The following GRWD1 variants were observed in gnomAD, a reference collection of about 807,000 sequenced individuals.
GRWD1 encodes glutamate-rich WD repeat-containing protein 1.
Under a neutral mutation model 45.3 loss-of-function variants are expected in GRWD1, and 29 were observed. The observed-to-expected ratio is 0.64, with a 90% CI of 0.48 to 0.87. The LOEUF (loss-of-function observed/expected upper bound fraction) is 0.87, where lower values mean the gene tolerates loss of function less well. Ranked by LOEUF, GRWD1 falls within the 40% of genes least tolerant of loss-of-function variation. The probability of loss-of-function intolerance (pLI) is 0.00; values close to 1 mark genes in which losing one functional copy is unlikely to be tolerated. For synonymous variants in GRWD1, 262 were observed against 257.6 expected, an observed-to-expected ratio of 1.02 and a Z score of -0.16; for missense variants, 592 against 618.8, an observed-to-expected ratio of 0.96 and a Z score of 0.46.
Position 48,456,903 on chromosome 19 carries a change from G to A in GRWD1, c.*3878G>A, listed in dbSNP as rs1971545323. On this transcript the variant is annotated 3_prime_UTR_variant, in exon 7 of 7. Coordinates refer to ENST00000253237, the MANE Select transcript of GRWD1 (RefSeq NM_031485.4). ...AGGGTTTTGCTGTCTTCCCCAGGCTGGTTCTCAAACCCCTGGCCTCACGCA... is the reference window on the plus strand; with the variant it reads ...AGGGTTTTGCTGTCTTCCCCAGGCTAGTTCTCAAACCCCTGGCCTCACGCA... 6.6e-6 allele frequency: 1 copy of A among 151,606 alleles called. No individual in the cohort carries two copies. Among genetic ancestry groups the A allele is most frequent in the African/African-American group, 2.4e-5 (1 of 41,272 alleles). 9.4% of individuals were successfully genotyped at this position (151,606 alleles called of 1,614,324 possible).
chr19:48,450,545 C>A lies in GRWD1; in HGVS notation c.682+19C>A. On this transcript the variant is annotated intron_variant, in intron 4 of 6. Transcript: ENST00000253237. This position sits in a 1 kb window ranked among gnomAD's most constrained non-coding sequence, Gnocchi z 5.1. The stretch of plus-strand genomic sequence containing the variant: ...GTGACCGGTGAGTCCCTGGGGTGTT[C>A]AGGAGTCCCGGGAGGTCGGGGGAGC... 6.2e-7 allele frequency: 1 copy of A among 1,613,214 alleles called. No homozygotes were observed. Among genetic ancestry groups the A allele is most frequent in the African/African-American group, 1.3e-5 (1 of 75,020 alleles).
chr19:48,448,300 C>T (rs987593904), intron 3 of GRWD1, among the ~76,000 whole-genome samples: 3 of 152,120 alleles, frequency 2.0e-5, no homozygotes, highest in African/African-American at 7.2e-5. Context: ...ATCAGGTAGA[C>T]TTGTAAGTAC....
rs1274615551 is a variant in GRWD1, at chr19:48,450,204, C to T, written c.469-109C>T. 1 of 819,922 alleles carries T rather than the reference C, an allele frequency of 1.2e-6. No individual in the cohort carries two copies. The highest frequency in any genetic ancestry group is 2.0e-6 in the Non-Finnish European group (1 of 505,414). The allele number at this position is 819,922 out of a possible 1,614,324, so 50.8% of individuals were successfully genotyped here. A position where few individuals can be genotyped will look rare whatever the true frequency, so the allele number is the denominator to read the frequency against. The stretch of plus-strand genomic sequence containing the variant: ...AGCTGTAGTCCCAGGCCTGGGAGAT[C>T]TGAGGAAGCGCACTTCTGGTTCTCT... On this transcript the variant is annotated intron_variant, in intron 3 of 6. Transcript: ENST00000253237. This position sits in a 1 kb window ranked among gnomAD's most constrained non-coding sequence, Gnocchi z 5.1.
chr19:48,455,671 C>T lies in GRWD1; in HGVS notation c.*2646C>T, dbSNP rs915970034. ...TGGGAAGTAGACAACGGGTCTGCCT[C>T]ACGGGGCTGAGGTGGGACTGGAGGA... On this transcript the variant is annotated 3_prime_UTR_variant, in exon 7 of 7. Transcript: ENST00000253237. 6.6e-6 allele frequency: 1 copy of T among 152,220 alleles called. No homozygotes were observed. Among genetic ancestry groups the T allele is most frequent in the Non-Finnish European group, 1.5e-5 (1 of 68,086 alleles). 9.4% of individuals were successfully genotyped at this position (152,220 alleles called of 1,614,324 possible). A position where few individuals can be genotyped will look rare whatever the true frequency, so the allele number is the denominator to read the frequency against.
rs190622075 is a variant in GRWD1 at position 48,453,377 on chromosome 19, G to A, written c.*352G>A. 2.5e-4 allele frequency: 49 copies of A among 194,448 alleles called. No individual in the cohort carries two copies. The highest frequency in any genetic ancestry group is 2.3e-3 in the Admixed American group (40 of 17,180). The allele number at this position is 194,448 out of a possible 1,614,324, so 12.0% of individuals were successfully genotyped here. A position where few individuals can be genotyped will look rare whatever the true frequency, so the allele number is the denominator to read the frequency against. On this transcript the variant is annotated 3_prime_UTR_variant, in exon 7 of 7. Transcript: ENST00000253237. ...GTTTGAGACGGAGTCTTGGTCTGTC[G>A]CCCAGGCTGGAGTGCAGTAGCACGA...
chr19:48,454,705 T>C lies in GRWD1; in HGVS notation c.*1680T>C, dbSNP rs1005908832. ...GCTTGTCCCCTTCAAGAAGGCCTTGTCTTCCCATCAGTGACAGGCTCAGCG... is the reference window on the plus strand; with the variant it reads ...GCTTGTCCCCTTCAAGAAGGCCTTGCCTTCCCATCAGTGACAGGCTCAGCG... On this transcript the variant is annotated 3_prime_UTR_variant, in exon 7 of 7. Coordinates refer to ENST00000253237, the MANE Select transcript of GRWD1 (RefSeq NM_031485.4). 1 of 151,804 alleles carries C rather than the reference T, an allele frequency of 6.6e-6. No individual in the cohort carries two copies. Among genetic ancestry groups the C allele is most frequent in the African/African-American group, 2.4e-5 (1 of 41,196 alleles). The allele number at this position is 151,804 out of a possible 1,614,324, so 9.4% of individuals were successfully genotyped here. A position where few individuals can be genotyped will look rare whatever the true frequency, so the allele number is the denominator to read the frequency against.
intron 6 of GRWD1, among the ~76,000 whole-genome samples, chr19:48,451,501 C>T (rs943980625): frequency 7.2e-5 from 11 of 152,186 alleles, no homozygotes; most frequent in African/African-American, 2.4e-4. Flanking sequence ...CTAGGACTCT[C>T]ATCTGCCTGT....
rs1443171204 is a variant in GRWD1 at position 48,446,467 on chromosome 19, T to G, written c.270T>G (p.Cys90Trp). The G allele has an allele frequency of 4.3e-6, 7 of 1,614,186 alleles. No individual in the cohort carries two copies. The highest frequency in any genetic ancestry group is 5.1e-6 in the Non-Finnish European group (6 of 1,180,040). The change falls in exon 2 of 7, where the codon TGT becomes TGG. Residue 90 changes from cysteine (C) to tryptophan (W), a missense_variant. By Grantham distance (215) the Cys-to-Trp change is radical. Coordinates refer to ENST00000253237, the MANE Select transcript of GRWD1 (RefSeq NM_031485.4). ...AGCTTCCTCTTACACTTTACTTGTG[T>G]GCTGGGACCCAGGCTGAGAGCGCCC... ...RTELPLTLYL[C>W]AGTQAESAQS...
intron 3 of GRWD1, among the ~76,000 whole-genome samples, chr19:48,447,297 A>C (rs942444359): frequency 6.6e-6 from 1 of 151,514 alleles, no homozygotes; most frequent in Non-Finnish European, 1.5e-5. Context: ...CTTAGACTGG[A>C]GGGCAATGGC....
chr19:48,450,548 G>T lies in GRWD1; in HGVS notation c.682+22G>T. 1 of 1,612,790 alleles carries T rather than the reference G, an allele frequency of 6.2e-7. No homozygotes were observed. Among genetic ancestry groups the T allele is most frequent in the Non-Finnish European group, 8.5e-7 (1 of 1,179,072 alleles). On this transcript the variant is annotated intron_variant, in intron 4 of 6. Transcript: ENST00000253237. The surrounding 1 kb of genome is among the most constrained non-coding windows in gnomAD (Gnocchi z 5.1). The stretch of plus-strand genomic sequence containing the variant: ...ACCGGTGAGTCCCTGGGGTGTTCAG[G>T]AGTCCCGGGAGGTCGGGGGAGCAGG...
chr19:48,446,895 C>T, intron 3 of GRWD1, 52 bp downstream of exon 3: 1 of 1,493,914 alleles, frequency 6.7e-7, no homozygotes, highest in Non-Finnish European at 9.1e-7. Flanking sequence ...ACATCTGACC[C>T]ATCCCCTGTG....
At position 48,453,008 on chromosome 19, in the gene GRWD1, C is replaced by T. The variant is rs201379668; in HGVS notation, c.1324C>T (p.Arg442Cys). ...GGCGCTGTCAGGCTTCACCATCTTC[C>T]GCACCATCAGCGTCTGAGGCGTCCC... Reference protein sequence around the residue: ...STALSGFTIFRTISV With the variant: ...STALSGFTIFCTISV Residue 442 changes from arginine to cysteine, a missense_variant, in exon 7 of 7, where the codon CGC (arginine) becomes TGC (cysteine). By Grantham distance (180) the Arg-to-Cys change is radical (BLOSUM62 -3). Transcript: ENST00000253237. The T allele has an allele frequency of 3.0e-5, 48 of 1,589,820 alleles. No homozygotes were observed. Among genetic ancestry groups the T allele is most frequent in the East Asian group, 1.8e-4 (8 of 44,276 alleles).
intron 1 of GRWD1, 96 bp from the exon 2 acceptor site, chr19:48,446,289 G>C: frequency 3.2e-6 from 5 of 1,560,242 alleles, no homozygotes; most frequent in Non-Finnish European, 4.4e-6. Context: ...TCTAAGAGAA[G>C]TGATTTCATA....
At chr19:48,446,545 A>G in intron 2 of GRWD1, 43 bp downstream of exon 2, 1 of 1,600,426 alleles carries the variant, frequency 6.2e-7, no homozygotes. Flanking sequence ...CTCAGTTTCC[A>G]GCCCCTTCCT....
rs753803007 is a variant in GRWD1, at chr19:48,450,484, A to G, written c.640A>G (p.Met214Val). ...MKPIFSFAGHMGEGFALDWSP... is the reference protein window; with the variant it reads ...MKPIFSFAGHVGEGFALDWSP... Reference sequence around the variant, plus strand: ...GCCCATCTTCTCCTTCGCTGGACACATGGGCGAGGGCTTTGCCCTTGACTG... The same window carrying G: ...GCCCATCTTCTCCTTCGCTGGACACGTGGGCGAGGGCTTTGCCCTTGACTG... Residue 214 changes from methionine (M) to valine (V), a missense_variant, in exon 4 of 7, where the codon ATG becomes GTG. Transcript: ENST00000253237. The surrounding 1 kb of genome is among the most constrained non-coding windows in gnomAD (Gnocchi z 5.1). 3.1e-6 allele frequency: 5 copies of G among 1,614,140 alleles called. No individual in the cohort carries two copies. In the Admixed American group the frequency reaches 8.3e-5, roughly 27 times the overall value.
rs558259078 is a variant in GRWD1 at position 48,451,243 on chromosome 19, G to C, written c.1023+12G>C. On this transcript the variant is annotated intron_variant, in intron 6 of 6. Coordinates refer to ENST00000253237, the MANE Select transcript of GRWD1 (RefSeq NM_031485.4). Reference sequence around the variant, plus strand: ...TTCGGCAGTTCAAGGTATTTTCCCAGCCGGACACCTGGGGGCTAGAGAAGC... The same window carrying C: ...TTCGGCAGTTCAAGGTATTTTCCCACCCGGACACCTGGGGGCTAGAGAAGC... 1.3e-6 allele frequency: 2 copies of C among 1,561,110 alleles called. No individual in the cohort carries two copies. The highest frequency in any genetic ancestry group is 1.9e-5 in the Admixed American group (1 of 53,016).
Position 48,446,034 on chromosome 19 carries a change from C to T in GRWD1, c.29C>T (p.Thr10Met), listed in dbSNP as rs1490501860. MAARKGRRR[T>M]CETGEPMEAE... ...GCGGCGCGCAAGGGTCGGCGGCGCA[C>T]GTGTGAAACCGGGGAACCCATGGAA... The change falls in exon 1 of 7, where the codon ACG becomes ATG. Residue 10 changes from threonine to methionine, a missense_variant. By Grantham distance (81) the Thr-to-Met change is moderately conservative. Transcript: ENST00000253237. 2 of 1,595,122 alleles carry T rather than the reference C, an allele frequency of 1.3e-6. No individual in the cohort carries two copies. The highest frequency in any genetic ancestry group is 2.7e-5 in the African/African-American group (2 of 74,646).
rs1971532318 is a variant in GRWD1, at chr19:48,455,823, G to A, written c.*2798G>A. ...CTGTTCCCCAACTGTGAAAGGGGGT[G>A]ATGATCTTCACCTCCCGGCATCCTG... On this transcript the variant is annotated 3_prime_UTR_variant, in exon 7 of 7. Transcript: ENST00000253237. The A allele has an allele frequency of 6.6e-6, 1 of 152,334 alleles. No homozygotes were observed. The highest frequency in any genetic ancestry group is 2.4e-5 in the African/African-American group (1 of 41,456). The allele number at this position is 152,334 out of a possible 1,614,324, so 9.4% of individuals were successfully genotyped here.
Position 48,452,838 on chromosome 19 carries a change from T to C in GRWD1, c.1154T>C (p.Val385Ala), listed in dbSNP as rs1300983767. The C allele has an allele frequency of 1.2e-6, 2 of 1,613,590 alleles. No individual in the cohort carries two copies. Among genetic ancestry groups the C allele is most frequent in the East Asian group, 4.5e-5 (2 of 44,854 alleles). Reference protein sequence around the residue: ...DHQITQWDLAVERDPEAGDVE... With the variant: ...DHQITQWDLAAERDPEAGDVE... ...CAGATCACACAGTGGGACCTGGCAGTGGAGCGGGACCCTGAGGCGGGCGAC... is the reference window on the plus strand; with the variant it reads ...CAGATCACACAGTGGGACCTGGCAGCGGAGCGGGACCCTGAGGCGGGCGAC... Residue 385 changes from valine (V) to alanine (A), a missense_variant, in exon 7 of 7, where the codon GTG (valine) becomes GCG (alanine). Physicochemically the swap from Val to Ala is moderately conservative, Grantham distance 64. Coordinates refer to ENST00000253237, the MANE Select transcript of GRWD1 (RefSeq NM_031485.4). The surrounding 1 kb of genome is among the most constrained non-coding windows in gnomAD (Gnocchi z 5.1).
Sources: allele counts gnomAD v4.1 joint callset (sites outside exome capture counted in the v4.1 genomes callset), GRCh38; gene constraint gnomAD v4.1.1; non-coding constraint Gnocchi (gnomAD v3.1); transcripts MANE v1.5; gene names NCBI Gene and HGNC (gene_info 2026-07-23, HGNC 2026-07-21).